Variants in SHANK2 observed in about 807,000 individuals in gnomAD.
The protein encoded by SHANK2 is SH3 and multiple ankyrin repeat domains 2.
Under a neutral mutation model 133.7 loss-of-function variants are expected in SHANK2, and 43 were observed. That is an observed-to-expected ratio of 0.32 (90% CI 0.25 to 0.41). The LOEUF (loss-of-function observed/expected upper bound fraction) is 0.41, where lower values mean the gene tolerates loss of function less well. SHANK2 is among the 10% of genes least tolerant of loss of function. SHANK2 has a pLI of 1.00. For synonymous variants in SHANK2, 1,017 were observed against 952.8 expected (o/e 1.07, Z -1.24); for missense variants, 1,994 against 2,235.8 (o/e 0.89, Z 2.18).
chr11:70,671,826 G>A (rs968019758), intron 15 of SHANK2, among the ~76,000 whole-genome samples: 2 of 152,228 alleles, frequency 1.3e-5, no homozygotes, highest in Admixed American at 6.5e-5. Context: ...AAGCTGGCAC[G>A]GACTCTGCGG....
chr11:70,749,191 G>A (rs1946706592), intron 14 of SHANK2, among the ~76,000 whole-genome samples: 1 of 152,186 alleles, frequency 6.6e-6, no homozygotes, highest in Non-Finnish European at 1.5e-5. Flanking sequence ...AGAAGTGCAG[G>A]CAACTGTAGG....
chr11:70,883,497 G>T (rs1949689072), intron 11 of SHANK2, among the ~76,000 whole-genome samples: 1 of 152,174 alleles, frequency 6.6e-6, no homozygotes, highest in African/African-American at 2.4e-5. Context: ...CTTCCATGTG[G>T]AGAAATGACA....
chr11:70,698,831 C>T (rs1321224183), intron 14 of SHANK2, 68 bp from the exon 15 acceptor site: 26 of 717,498 alleles, frequency 3.6e-5, no homozygotes, highest in East Asian at 1.1e-4. Context: ...ACCCACAGCA[C>T]ATGAGGCTGG....
chr11:70,696,375 C>T (rs1945392286), intron 15 of SHANK2, among the ~76,000 whole-genome samples: 1 of 152,174 alleles, frequency 6.6e-6, no homozygotes, highest in Admixed American at 6.5e-5. Context: ...TGTGGGGAGA[C>T]TCAGGCACTA....
chr11:70,627,795 C>A (rs2060924292), intron 17 of SHANK2, among the ~76,000 whole-genome samples: 1 of 152,156 alleles, frequency 6.6e-6, no homozygotes, highest in Non-Finnish European at 1.5e-5. Context: ...GGACTTACCC[C>A]ATGAGGTCAG....
intron 2 of SHANK2, among the ~76,000 whole-genome samples, chr11:71,173,194 A>G (rs1289884969): frequency 6.6e-6 from 1 of 152,234 alleles, no homozygotes; most frequent in African/African-American, 2.4e-5. Context: ...GGACTATTGG[A>G]GTCAATAACC....
At chr11:70,889,959 G>T (rs1949814547) in intron 11 of SHANK2, among the ~76,000 whole-genome samples, 1 of 152,158 alleles carries the variant, frequency 6.6e-6, no homozygotes, top group South Asian at 2.1e-4. Flanking sequence ...AACGTGTGTG[G>T]AAAAGCCTGT....
chr11:70,776,472 T>G (rs1173359412), intron 14 of SHANK2, among the ~76,000 whole-genome samples: 1 of 152,160 alleles, frequency 6.6e-6, no homozygotes, highest in Non-Finnish European at 1.5e-5. Flanking sequence ...GGGATGCCAG[T>G]GATGTTGCTG....
At chr11:70,677,374 G>A (rs1305773218) in intron 15 of SHANK2, among the ~76,000 whole-genome samples, 1 of 152,176 alleles carries the variant, frequency 6.6e-6, no homozygotes, top group African/African-American at 2.4e-5. Flanking sequence ...ACGTGGTGCC[G>A]AGTCTCCTCT....
intron 1 of SHANK2, chr11:71,240,785 G>C (rs1443519920): frequency 6.6e-6 from 1 of 152,150 alleles, no homozygotes; most frequent in Non-Finnish European, 1.5e-5. Flanking sequence ...GCCAGGTGTG[G>C]TGGTGTGCAC....
chr11:70,818,318 TACACACATGCAC>T, intron 12 of SHANK2, among the ~76,000 whole-genome samples: 1 of 152,040 alleles, frequency 6.6e-6, no homozygotes, highest in Admixed American at 6.5e-5. Context: ...CACAAACACA[TACACACATGCAC>T]ACACACATGT....
In SHANK2 at chr11:70,488,779, C is replaced by T. The variant is rs1171714116; in HGVS notation, c.2572+549G>A. Among the ~76,000 whole-genome samples the T allele has an allele frequency of 2.6e-5, 4 of 152,370 alleles. No individual in the cohort carries two copies. The East Asian group carries it at 7.7e-4, about 29-fold the overall frequency. ...CAGGGTCCAAGTGTGGCTGACCTGG[C>T]ACAAAGTATGAGTTGACCTAATGAA... On this transcript the variant is annotated intron_variant, in intron 24 of 25. Transcript: ENST00000601538.
chr11:70,677,813 C>G (rs543506861), intron 15 of SHANK2, among the ~76,000 whole-genome samples: 2 of 152,218 alleles, frequency 1.3e-5, no homozygotes, highest in Admixed American at 6.5e-5. Flanking sequence ...AGGGTCCTTG[C>G]GTACCCATTT....
At chr11:70,658,067 A>G (rs952262464) in intron 17 of SHANK2, among the ~76,000 whole-genome samples, 5 of 152,094 alleles carry the variant, frequency 3.3e-5, no homozygotes, top group African/African-American at 1.2e-4. Context: ...TTGCATCTGC[A>G]GCCCTCTTTT....
At chr11:70,728,863 T>C (rs781954959) in intron 14 of SHANK2, among the ~76,000 whole-genome samples, 1 of 152,098 alleles carries the variant, frequency 6.6e-6, no homozygotes, top group Non-Finnish European at 1.5e-5. Context: ...AAAATGATCC[T>C]CCCAGTGGGA....
chr11:70,810,345 G>A (rs1948252763), intron 12 of SHANK2, among the ~76,000 whole-genome samples: 1 of 152,240 alleles, frequency 6.6e-6, no homozygotes, highest in African/African-American at 2.4e-5. Context: ...AGGCAGGGCT[G>A]GACTGGCACA....
At chr11:70,695,617 T>C (rs937648884) in intron 15 of SHANK2, among the ~76,000 whole-genome samples, 10 of 152,222 alleles carry the variant, frequency 6.6e-5, no homozygotes, top group Non-Finnish European at 1.5e-4. Context: ...ATGCCAGGGC[T>C]CTACTGCCCA....
At chr11:71,209,080 T>G (rs2135675832) in intron 2 of SHANK2, among the ~76,000 whole-genome samples, 1 of 152,316 alleles carries the variant, frequency 6.6e-6, no homozygotes, top group Non-Finnish European at 1.5e-5. Context: ...TCTAAGCCAC[T>G]GTGCTTCAAA....
intron 11 of SHANK2, among the ~76,000 whole-genome samples, chr11:70,876,758 G>T (rs991017710): frequency 1.3e-5 from 2 of 152,122 alleles, no homozygotes; most frequent in Non-Finnish European, 2.9e-5. Context: ...GAAATAACAG[G>T]GCTGCTGCTG....
Sources: allele counts gnomAD v4.1 joint callset (sites outside exome capture counted in the v4.1 genomes callset), GRCh38; gene constraint gnomAD v4.1.1; transcripts MANE v1.5; gene names NCBI Gene and HGNC (gene_info 2026-07-23, HGNC 2026-07-21).